The following HPS3 variants were observed in gnomAD, a reference collection of about 807,000 sequenced individuals.
HPS3 encodes HPS3 biogenesis of lysosomal organelles complex 2 subunit 1, also known as BLOC-2 complex member HPS3.
In HPS3, 79 loss-of-function variants were observed where a neutral mutation model predicts 110.9. The observed-to-expected ratio is 0.71, with a 90% CI of 0.59 to 0.86. The LOEUF (loss-of-function observed/expected upper bound fraction) is 0.86. Ranked by LOEUF, HPS3 falls within the 40% of genes least tolerant of loss-of-function variation. HPS3 has a pLI of 0.00. For synonymous variants in HPS3, 428 were observed against 451.0 expected (o/e 0.95, Z 0.65); for missense variants, 1,197 against 1,206.2 (o/e 0.99, Z 0.11).
chr3:149,142,687 A>T (rs957177586), intron 4 of HPS3, among the ~76,000 whole-genome samples: 1 of 152,144 alleles, frequency 6.6e-6, no homozygotes, highest in African/African-American at 2.4e-5. Context: ...TTTATTGAGT[A>T]CCTACTATGT....
chr3:149,173,601 T>G lies in HPS3; in HGVS notation c.*1379T>G. The G allele has an allele frequency of 1.3e-6, 1 of 747,634 alleles. No individual in the cohort carries two copies. The highest frequency in any genetic ancestry group is 1.8e-5 in the South Asian group (1 of 57,090). The allele number at this position is 747,634 out of a possible 1,614,324, so 46.3% of individuals were successfully genotyped here. On this transcript the variant is annotated 3_prime_UTR_variant, in exon 17 of 17. Transcript: ENST00000296051. Reference sequence around the variant, plus strand: ...TGTACAAAGTTGTATGCTTCCAGTCTTCTTTTAATGTTTATAGTCATTCCA... The same window carrying G: ...TGTACAAAGTTGTATGCTTCCAGTCGTCTTTTAATGTTTATAGTCATTCCA...
intron 4 of HPS3, 44 bp downstream of exon 4, chr3:149,141,424 A>G (rs747476250): frequency 6.7e-7 from 1 of 1,502,788 alleles, no homozygotes; most frequent in South Asian, 1.1e-5. Flanking sequence ...GCAAGGTGAA[A>G]ATGCTCTGTC....
intron 5 of HPS3, among the ~76,000 whole-genome samples, chr3:149,148,949 CTTTTTTT>C (rs140573513): frequency 6.8e-5 from 7 of 102,444 alleles, no homozygotes; most frequent in African/African-American, 7.4e-5. Flanking sequence ...GGAACCCTGC[CTTTTTTT>C]TTTTTTTTTT....
At chr3:149,151,273 T>TA (rs1261110124) in intron 6 of HPS3, among the ~76,000 whole-genome samples, 1 of 151,598 alleles carries the variant, frequency 6.6e-6, no homozygotes, top group Non-Finnish European at 1.5e-5. Flanking sequence ...GCCCAAGCGA[T>TA]CTGCCTGCCT....
chr3:149,155,020 G>C, intron 7 of HPS3, 87 bp from the exon 8 acceptor site: 1 of 773,386 alleles, frequency 1.3e-6, no homozygotes, highest in South Asian at 1.4e-5. Context: ...TGATTTTATA[G>C]TTATTTTATA....
At chr3:149,171,015 C>T (rs921127616) in intron 16 of HPS3, among the ~76,000 whole-genome samples, 1 of 152,240 alleles carries the variant, frequency 6.6e-6, no homozygotes, top group African/African-American at 2.4e-5. Flanking sequence ...TGCGGTGGCT[C>T]ACGCCGGTAA....
intron 16 of HPS3, chr3:149,170,323 A>G (rs2108193561): frequency 6.6e-6 from 1 of 152,292 alleles, no homozygotes; most frequent in East Asian, 1.9e-4. Context: ...CTGAGATGCT[A>G]CTTACAGGCT....
intron 14 of HPS3, 90 bp from the exon 15 acceptor site, chr3:149,166,943 TG>T: frequency 1.0e-6 from 1 of 976,328 alleles, no homozygotes; most frequent in African/African-American, 1.6e-5. Context: ...TTTTGGCAAG[TG>T]AGGTTTAGTC....
In HPS3 at chr3:149,167,942, G is replaced by T; in HGVS notation, c.2846G>T (p.Cys949Phe). ...LLPELCQRIK[C>F]GGEKYQLYLS... is the part of the protein sequence containing the mutation. Reference sequence around the variant, plus strand: ...CCTGAACTTTGTCAGAGAATAAAATGTGGTGGAGAGAAGTATCAACTCTAC... The same window carrying T: ...CCTGAACTTTGTCAGAGAATAAAATTTGGTGGAGAGAAGTATCAACTCTAC... The change falls in exon 16 of 17, where the codon TGT becomes TTT. Residue 949 changes from cysteine to phenylalanine, a missense_variant. Transcript: ENST00000296051. 6.2e-7 allele frequency: 1 copy of T among 1,605,896 alleles called. No homozygotes were observed.
In HPS3 at chr3:149,172,353, C is replaced by CACAT; in HGVS notation, c.*133_*136dup. On this transcript the variant is annotated 3_prime_UTR_variant, in exon 17 of 17. Coordinates refer to ENST00000296051, the MANE Select transcript of HPS3 (RefSeq NM_032383.5). ...ACACACACACACACACACACACACA[C>CACAT]ACATATATGATACAAATGCTTTCAG... 1 of 691,490 alleles carries CACAT rather than the reference C, an allele frequency of 1.4e-6. No homozygotes were observed. Among genetic ancestry groups the CACAT allele is most frequent in the South Asian group, 1.7e-5 (1 of 59,662 alleles). 42.8% of individuals were successfully genotyped at this position (691,490 alleles called of 1,614,324 possible).
At position 149,167,985 on chromosome 3, in the gene HPS3, T is replaced by C. The variant is rs768723740; in HGVS notation, c.2887+2T>C. 3 of 1,481,138 alleles carry C rather than the reference T, an allele frequency of 2.0e-6. No homozygotes were observed. The highest frequency in any genetic ancestry group is 2.3e-5 in the South Asian group (2 of 88,068). The allele number at this position is 1,481,138 out of a possible 1,614,324, so 91.7% of individuals were successfully genotyped here. ...AACTCTACCTGTCATCATTAAAAGG[T>C]AAAATGATTTTTTTTTTGCTTGATT... On this transcript the variant is annotated splice_donor_variant, in intron 16 of 16. Transcript: ENST00000296051. LOFTEE classifies it high-confidence loss of function.
At chr3:149,143,482 A>G (rs982023472) in intron 4 of HPS3, among the ~76,000 whole-genome samples, 1 of 152,092 alleles carries the variant, frequency 6.6e-6, no homozygotes, top group African/African-American at 2.4e-5. Flanking sequence ...AATCCCCATC[A>G]CTAGAATGAA....
chr3:149,158,001 A>G (rs1304973140), intron 9 of HPS3, among the ~76,000 whole-genome samples: 1 of 152,248 alleles, frequency 6.6e-6, no homozygotes, highest in Non-Finnish European at 1.5e-5. Context: ...GATTATAAAT[A>G]CTACCTTGTT....
At chr3:149,132,977 G>C (rs1009881355) in intron 1 of HPS3, among the ~76,000 whole-genome samples, 1 of 152,186 alleles carries the variant, frequency 6.6e-6, no homozygotes, top group Non-Finnish European at 1.5e-5. Flanking sequence ...AGATGTGTTG[G>C]AATTCCTGCA....
chr3:149,138,386 T>C (rs945358011), intron 1 of HPS3, among the ~76,000 whole-genome samples: 1 of 152,250 alleles, frequency 6.6e-6, no homozygotes, highest in Non-Finnish European at 1.5e-5. Context: ...TAATAGAGTC[T>C]ACATTTGGAA....
At chr3:149,139,785 G>A (rs965900795) in intron 1 of HPS3, among the ~76,000 whole-genome samples, 1 of 152,104 alleles carries the variant, frequency 6.6e-6, no homozygotes, top group African/African-American at 2.4e-5. Context: ...CAATTAATAG[G>A]TTGTCTTAAG....
chr3:149,162,610 G>C (rs1446667967), intron 12 of HPS3, 80 bp from the exon 13 acceptor site: 1 of 1,415,588 alleles, frequency 7.1e-7, no homozygotes, highest in Admixed American at 1.7e-5. Flanking sequence ...CCCATGTGAT[G>C]CTGTGATATT....
intron 10 of HPS3, among the ~76,000 whole-genome samples, chr3:149,159,695 GGGTATATTTTGAACTAAATA>G (rs1450459368): frequency 6.6e-6 from 1 of 152,112 alleles, no homozygotes; most frequent in Non-Finnish European, 1.5e-5. Flanking sequence ...TTACTTAATT[GGGTATATTTTGAACTAAATA>G]GTAGTTTTTA....
At chr3:149,146,329 G>A (rs559766633) in intron 5 of HPS3, among the ~76,000 whole-genome samples, 2 of 152,286 alleles carry the variant, frequency 1.3e-5, no homozygotes, top group South Asian at 2.1e-4. Context: ...TGCGAAAAAT[G>A]TCTTAAGACC....
Sources: allele counts gnomAD v4.1 joint callset (sites outside exome capture counted in the v4.1 genomes callset), GRCh38; gene constraint gnomAD v4.1.1; transcripts MANE v1.5; gene names NCBI Gene and HGNC (gene_info 2026-07-23, HGNC 2026-07-21).